Variants in DCAF5 observed in about 807,000 individuals in gnomAD.
DCAF5 encodes the protein DDB1- and CUL4-associated factor 5.
A neutral mutation model predicts 80.7 loss-of-function variants in DCAF5; 9 were observed. The ratio of observed to expected loss-of-function variants is 0.11; its 90% CI spans 0.07 to 0.19. The LOEUF is 0.19. DCAF5 is among the 10% of genes least tolerant of loss of function. The pLI, the probability that DCAF5 is intolerant of heterozygous loss-of-function variation, is 1.00. For synonymous variants in DCAF5, 433 were observed against 461.9 expected (o/e 0.94, Z 0.80); for missense variants, 842 against 1,205.7 (o/e 0.70, Z 4.47).
At chr14:69,109,418 G>A (rs1377542579) in intron 5 of DCAF5, among the ~76,000 whole-genome samples, 1 of 151,494 alleles carries the variant, frequency 6.6e-6, no homozygotes, top group African/African-American at 2.4e-5. Context: ...ATTTATATAG[G>A]TATACAACCA....
chr14:69,111,133 T>G (rs567865352), intron 5 of DCAF5, among the ~76,000 whole-genome samples: 1 of 152,326 alleles, frequency 6.6e-6, no homozygotes, highest in East Asian at 1.9e-4. Context: ...ATTAAGCCCC[T>G]GGGCTTTATT....
rs1222824867 is a variant in DCAF5 at position 69,109,800 on chromosome 14, T to C, written c.665+6566A>G. ...GCTGTAAATGTTCCTGTACATGTCTTTGGTGGAAATAGGTACTCATTTCTC... is the reference window on the plus strand; with the variant it reads ...GCTGTAAATGTTCCTGTACATGTCTCTGGTGGAAATAGGTACTCATTTCTC... On this transcript the variant is annotated intron_variant, in intron 5 of 8. Transcript: ENST00000341516. 3.3e-5 allele frequency among the ~76,000 whole-genome samples: 5 copies of C among 152,322 alleles called. No individual in the cohort carries two copies. In the East Asian group the frequency reaches 9.6e-4, roughly 29 times the overall value.
intron 6 of DCAF5, among the ~76,000 whole-genome samples, chr14:69,075,778 C>T (rs962247463): frequency 6.6e-6 from 1 of 152,202 alleles, no homozygotes; most frequent in African/African-American, 2.4e-5. Context: ...GTCACCACAA[C>T]TGGCCTAAAC....
At chr14:69,122,959 T>A (rs548395404) in intron 1 of DCAF5, among the ~76,000 whole-genome samples, 26 of 152,308 alleles carry the variant, frequency 1.7e-4, no homozygotes, top group Middle Eastern at 3.4e-3. Context: ...TTTTTTCCCA[T>A]TTTTACTTTT....
intron 8 of DCAF5, among the ~76,000 whole-genome samples, chr14:69,058,194 G>A (rs979939076): frequency 3.9e-5 from 6 of 152,116 alleles, no homozygotes; most frequent in African/African-American, 1.4e-4. Flanking sequence ...ACTCAGAAGT[G>A]AATCAATGAA....
intron 1 of DCAF5, among the ~76,000 whole-genome samples, chr14:69,140,725 C>T (rs1297268128): frequency 2.0e-5 from 3 of 152,160 alleles, no homozygotes; most frequent in African/African-American, 7.2e-5. Flanking sequence ...CTGGACCTGG[C>T]ATGTTCATAA....
chr14:69,145,055 T>C (rs2041498512), intron 1 of DCAF5, among the ~76,000 whole-genome samples: 1 of 152,242 alleles, frequency 6.6e-6, no homozygotes, highest in East Asian at 1.9e-4. Flanking sequence ...AACACTTTTA[T>C]TGTTTTTCTT....
At chr14:69,116,979 G>T (rs2040563942) in intron 4 of DCAF5, among the ~76,000 whole-genome samples, 1 of 152,122 alleles carries the variant, frequency 6.6e-6, no homozygotes, top group Non-Finnish European at 1.5e-5. Flanking sequence ...ACAATGGTGT[G>T]GTTTTTCTCT....
intron 1 of DCAF5, among the ~76,000 whole-genome samples, chr14:69,148,884 C>G (rs1169161264): frequency 6.6e-6 from 1 of 152,150 alleles, no homozygotes; most frequent in Non-Finnish European, 1.5e-5. Flanking sequence ...GGTAGAGCCT[C>G]CAACTCAAAT....
intron 7 of DCAF5, among the ~76,000 whole-genome samples, chr14:69,071,632 G>T (rs1360776638): frequency 1.3e-5 from 2 of 152,018 alleles, no homozygotes; most frequent in African/African-American, 4.8e-5. Context: ...GAGAGAGAAT[G>T]AATGAATGAA....
chr14:69,135,902 G>C (rs1169664817), intron 1 of DCAF5, among the ~76,000 whole-genome samples: 1 of 152,126 alleles, frequency 6.6e-6, no homozygotes, highest in Non-Finnish European at 1.5e-5. Context: ...AATGATGCAT[G>C]GGAGGAAAGA....
intron 7 of DCAF5, among the ~76,000 whole-genome samples, chr14:69,070,679 G>C (rs1381110059): frequency 6.6e-6 from 1 of 152,116 alleles, no homozygotes; most frequent in Non-Finnish European, 1.5e-5. Context: ...CATAAAAACA[G>C]ATGCCCTTCC....
At chr14:69,100,704 A>G (rs903924628) in intron 5 of DCAF5, among the ~76,000 whole-genome samples, 1 of 152,254 alleles carries the variant, frequency 6.6e-6, no homozygotes, top group African/African-American at 2.4e-5. Flanking sequence ...AATAGAAAAC[A>G]GATTCAAAAC....
intron 5 of DCAF5, among the ~76,000 whole-genome samples, chr14:69,097,070 A>G (rs1794959881): frequency 6.6e-6 from 1 of 152,222 alleles, no homozygotes; most frequent in Non-Finnish European, 1.5e-5. Context: ...TGCACTGAGT[A>G]TTAGGTGACA....
chr14:69,128,632 A>AT (rs2040945150), intron 1 of DCAF5, among the ~76,000 whole-genome samples: 1 of 152,084 alleles, frequency 6.6e-6, no homozygotes, highest in Non-Finnish European at 1.5e-5. Context: ...TAAAAACAGA[A>AT]TATTGTGCGC....
intron 1 of DCAF5, among the ~76,000 whole-genome samples, chr14:69,134,249 G>A (rs1448088424): frequency 1.3e-5 from 2 of 152,166 alleles, no homozygotes; most frequent in African/African-American, 2.4e-5. Context: ...GCCACTGGAT[G>A]ATTTTAGACA....
At chr14:69,144,156 AG>A (rs1469425395) in intron 1 of DCAF5, among the ~76,000 whole-genome samples, 1 of 152,166 alleles carries the variant, frequency 6.6e-6, no homozygotes, top group Admixed American at 6.6e-5. Context: ...TCTACACTAC[AG>A]GTAACGCTGG....
rs2037943027 is a variant in DCAF5 at position 69,055,666 on chromosome 14, C to G, written c.1075-55G>C. On this transcript the variant is annotated intron_variant, in intron 8 of 8. Transcript: ENST00000341516. The surrounding 1 kb of genome is among the most constrained non-coding windows in gnomAD (Gnocchi z 5.6). ...AAGGAGTAACTGGAAAGTATTCTTTCACTGGTGGTGATAAAGAACACCAAG... is the reference window on the plus strand; with the variant it reads ...AAGGAGTAACTGGAAAGTATTCTTTGACTGGTGGTGATAAAGAACACCAAG... The G allele has an allele frequency of 2.0e-6, 3 of 1,525,480 alleles. No individual in the cohort carries two copies. The South Asian group carries it at 3.8e-5, about 19-fold the overall frequency. 94.5% of individuals were successfully genotyped at this position (1,525,480 alleles called of 1,614,324 possible).
intron 5 of DCAF5, among the ~76,000 whole-genome samples, chr14:69,109,962 A>G (rs2040298057): frequency 1.3e-5 from 2 of 152,202 alleles, no homozygotes; most frequent in African/African-American, 4.8e-5. Flanking sequence ...CAGTTGGTCC[A>G]TACCCTTGTT....
Sources: gnomAD v4.1 joint callset for allele counts (sites outside exome capture counted in the v4.1 genomes callset) on GRCh38, gnomAD v4.1.1 for gene constraint, Gnocchi (gnomAD v3.1) non-coding constraint, MANE v1.5 for transcripts, NCBI Gene and HGNC (gene_info 2026-07-23, HGNC 2026-07-21) for gene names.